Variants in FRMD6 observed in about 807,000 individuals in gnomAD.
FRMD6 encodes the protein FERM domain-containing protein 6.
FRMD6 carries 37 observed loss-of-function variants against 73.2 expected under a neutral mutation model. The ratio of observed to expected loss-of-function variants is 0.51; its 90% CI spans 0.39 to 0.66. FRMD6 has a LOEUF of 0.66. Among genes scored for constraint, FRMD6 ranks in the 30% least tolerant of loss-of-function variants. The pLI is 0.00. For missense variants in FRMD6, 714 were observed against 780.5 expected (o/e 0.91, Z 1.02); for synonymous variants, 273 against 282.2 (o/e 0.97, Z 0.33).
At chr14:51,490,539 G>A (rs764275466) in intron 1 of FRMD6, among the ~76,000 whole-genome samples, 8 of 152,116 alleles carry the variant, frequency 5.3e-5, no homozygotes, top group African/African-American at 1.4e-4. Context: ...TTTGGGCACC[G>A]TGCTGGGTCC....
intron 2 of FRMD6, among the ~76,000 whole-genome samples, chr14:51,618,334 G>A (rs1255922224): frequency 2.6e-5 from 4 of 152,188 alleles, no homozygotes; most frequent in Non-Finnish European, 5.9e-5. Flanking sequence ...CTAGAGTGTA[G>A]AGAGCCAAGG....
chr14:51,705,877 A>C (rs1896596126), intron 6 of FRMD6, among the ~76,000 whole-genome samples: 1 of 152,116 alleles, frequency 6.6e-6, no homozygotes, highest in African/African-American at 2.4e-5. Context: ...TCTTTTCACT[A>C]AATTTTGCTG....
chr14:51,671,341 A>T (rs1324318351), intron 1 of FRMD6, among the ~76,000 whole-genome samples: 1 of 152,184 alleles, frequency 6.6e-6, no homozygotes, highest in East Asian at 1.9e-4. Flanking sequence ...ACATTGATAG[A>T]GTTTACCAGT....
chr14:51,618,106 A>G (rs1890784539), intron 2 of FRMD6, among the ~76,000 whole-genome samples: 1 of 152,154 alleles, frequency 6.6e-6, no homozygotes, highest in South Asian at 2.1e-4. Context: ...GGGTTTTGAA[A>G]GAGAAGAACC....
Position 51,553,206 on chromosome 14 carries a change from A to G in FRMD6, c.-209-17142A>G, listed in dbSNP as rs192542755. Among the ~76,000 whole-genome samples the G allele has an allele frequency of 3.0e-4, 46 of 152,366 alleles. 1 individual carries two copies. The East Asian group carries it at 8.9e-3, about 29-fold the overall frequency. ...AATCTTAAAAAGGACGCAAATGTCAAAAAGAGACAAATCCCAGCCAAGTGA... is the reference window on the plus strand; with the variant it reads ...AATCTTAAAAAGGACGCAAATGTCAGAAAGAGACAAATCCCAGCCAAGTGA... On this transcript the variant is annotated intron_variant, in intron 1 of 14. Coordinates refer to the FRMD6 transcript ENST00000356218.
chr14:51,517,868 G>A (rs1329710355), intron 1 of FRMD6, among the ~76,000 whole-genome samples: 1 of 129,014 alleles, frequency 7.8e-6, no homozygotes, highest in Non-Finnish European at 1.7e-5. Flanking sequence ...TTGAACGGGG[G>A]TGATGAGTAG....
At position 51,625,455 on chromosome 14, in the gene FRMD6, CTTT is replaced by C. The variant is rs531098350; in HGVS notation, c.-147+55053_-147+55055del. Among the ~76,000 whole-genome samples the C allele has an allele frequency of 4.1e-4, 35 of 85,470 alleles. 1 individual carries two copies. The highest frequency in any genetic ancestry group is 1.5e-3 in the South Asian group (4 of 2,716). The allele number at this position is 85,470 out of a possible 152,430, so 56.1% of individuals were successfully genotyped here. On this transcript the variant is annotated intron_variant, in intron 2 of 14. Coordinates refer to the FRMD6 transcript ENST00000356218. ...ATGGCCCTTTTGGGATTCCCCTTAT[CTTT>C]TTTTTTTGTTGTTGTTGTTAATGAT...
At chr14:51,570,563 A>G (rs1025785920) in intron 2 of FRMD6, among the ~76,000 whole-genome samples, 4 of 152,232 alleles carry the variant, frequency 2.6e-5, no homozygotes, top group Non-Finnish European at 4.4e-5. Flanking sequence ...AATTCCAAAT[A>G]CATTTGAGAG....
intron 1 of FRMD6, among the ~76,000 whole-genome samples, chr14:51,504,509 A>G (rs1883835145): frequency 6.6e-6 from 1 of 152,216 alleles, no homozygotes; most frequent in Non-Finnish European, 1.5e-5. Flanking sequence ...GACAGCTCTC[A>G]GCTTCATTTT....
chr14:51,547,068 A>G (rs1596571433), intron 1 of FRMD6, among the ~76,000 whole-genome samples: 1 of 152,322 alleles, frequency 6.6e-6, no homozygotes, highest in Non-Finnish European at 1.5e-5. Flanking sequence ...AGCACCAGGA[A>G]AAGTGAGAGG....
At chr14:51,561,694 C>T (rs1028999002) in intron 1 of FRMD6, among the ~76,000 whole-genome samples, 1 of 152,162 alleles carries the variant, frequency 6.6e-6, no homozygotes, top group African/African-American at 2.4e-5. Flanking sequence ...GAAGAGCACT[C>T]ACTTCCCAGC....
At position 51,634,642 on chromosome 14, in the gene FRMD6, T is replaced by C. The variant is rs979641079; in HGVS notation, c.-146-55049T>C. 5.3e-5 allele frequency among the ~76,000 whole-genome samples: 8 copies of C among 152,250 alleles called. No homozygotes were observed. The South Asian group carries it at 1.5e-3, about 28-fold the overall frequency. ...AAAAAGATAAATTTACTAAAATACA[T>C]AAATGTTAGCTTTTGACATTTTTTA... On this transcript the variant is annotated intron_variant, in intron 2 of 14. Coordinates refer to the FRMD6 transcript ENST00000356218.
At chr14:51,478,386 C>A in the FRMD6 span, among the ~76,000 whole-genome samples, 1 of 152,106 alleles carries the variant, frequency 6.6e-6, no homozygotes, top group Admixed American at 6.5e-5. Flanking sequence ...TCAGTGGAAA[C>A]GTAAAGTAGA....
intron 1 of FRMD6, among the ~76,000 whole-genome samples, chr14:51,529,722 C>T (rs893912024): frequency 5.3e-5 from 8 of 152,314 alleles, no homozygotes; most frequent in African/African-American, 1.9e-4. Flanking sequence ...AAACATCTCA[C>T]CTGGCAAAAG....
chr14:51,613,988 C>T (rs562066703), intron 2 of FRMD6, among the ~76,000 whole-genome samples: 1 of 152,234 alleles, frequency 6.6e-6, no homozygotes, highest in East Asian at 1.9e-4. Flanking sequence ...GAATTTCACA[C>T]GTACCACACA....
chr14:51,674,733 T>C (rs925658348), intron 1 of FRMD6, among the ~76,000 whole-genome samples: 4 of 152,078 alleles, frequency 2.6e-5, no homozygotes, highest in Non-Finnish European at 4.4e-5. Flanking sequence ...AAGCATACTT[T>C]AAGCCTCTCT....
At chr14:51,499,819 C>T (rs956018851) in intron 1 of FRMD6, among the ~76,000 whole-genome samples, 5 of 152,184 alleles carry the variant, frequency 3.3e-5, no homozygotes, top group East Asian at 1.9e-4. Flanking sequence ...TTTCCCAATT[C>T]GGCACATGGG....
chr14:51,638,339 G>A (rs573805574), intron 2 of FRMD6, among the ~76,000 whole-genome samples: 1 of 152,262 alleles, frequency 6.6e-6, no homozygotes, highest in East Asian at 1.9e-4. Context: ...AGAGCGGATA[G>A]CATAGTGCCA....
Position 51,679,131 on chromosome 14 carries a change from C to G in FRMD6, c.-146-10560C>G, listed in dbSNP as rs74052664. ...CAGATATGCAATTTAAGAGGTCACC[C>G]TGGCAGCATTGTGGGGGATGGCTTT... On this transcript the variant is annotated intron_variant, in intron 1 of 13. Transcript: ENST00000344768. Among the ~76,000 whole-genome samples, 1,013 of 152,034 alleles carry G rather than the reference C, an allele frequency of 6.7e-3. 10 individuals are homozygous for G. The highest frequency in any genetic ancestry group is 0.023 in the African/African-American group (962 of 41,458).
Sources: gnomAD v4.1 joint callset for allele counts (sites outside exome capture counted in the v4.1 genomes callset) on GRCh38, gnomAD v4.1.1 for gene constraint, MANE v1.5 for transcripts, NCBI Gene and HGNC (gene_info 2026-07-23, HGNC 2026-07-21) for gene names.